SCN7A: variants seen among roughly 807,000 people sequenced by gnomAD.
SCN7A encodes sodium voltage-gated channel alpha subunit 7.
A neutral mutation model predicts 155.2 loss-of-function variants in SCN7A; 138 were observed. That is an observed-to-expected ratio of 0.89 (90% confidence interval 0.77 to 1.02). SCN7A has a LOEUF of 1.02. Ranked by LOEUF, SCN7A falls within the 50% of genes least tolerant of loss-of-function variation. The pLI, the probability that SCN7A is intolerant of heterozygous loss-of-function variation, is 0.00. For missense variants in SCN7A, 2,058 were observed against 1,986.6 expected, an observed-to-expected ratio of 1.04 and a Z score of -0.68; for synonymous variants, 693 against 649.0, an observed-to-expected ratio of 1.07 and a Z score of -1.03.
chr2:166,456,819 TATATATATATAGATAGATAG>T (rs1403978644), intron 11 of SCN7A, 31 bp downstream of exon 11: 4 of 644,130 alleles, frequency 6.2e-6, no homozygotes, highest in Non-Finnish European at 9.3e-6. Flanking sequence ...TATATATATA[TATATATATATAGATAGATAG>T]ATAGATAGAT....
intron 2 of SCN7A, among the ~76,000 whole-genome samples, chr2:166,482,653 C>A (rs1702955248): frequency 6.6e-6 from 1 of 151,584 alleles, no homozygotes; most frequent in Non-Finnish European, 1.5e-5. Flanking sequence ...GTCACTTATC[C>A]CAGAAGATTA....
chr2:166,432,278 TA>T, intron 16 of SCN7A, 39 bp downstream of exon 16: 1 of 1,499,128 alleles, frequency 6.7e-7, no homozygotes, highest in Non-Finnish European at 9.0e-7. Context: ...AACAATACTA[TA>T]AATCACCACT....
At chr2:166,456,568 A>G (rs917645986) in intron 11 of SCN7A, among the ~76,000 whole-genome samples, 1 of 152,110 alleles carries the variant, frequency 6.6e-6, no homozygotes, top group African/African-American at 2.4e-5. Context: ...CTTTTTATTT[A>G]TACCCTTAGG....
chr2:166,475,058 G>A (rs1702751231), intron 3 of SCN7A, among the ~76,000 whole-genome samples: 1 of 108,782 alleles, frequency 9.2e-6, no homozygotes, highest in African/African-American at 3.2e-5. Context: ...AAATGAGCAA[G>A]TTTGCATATT....
intron 10 of SCN7A, among the ~76,000 whole-genome samples, chr2:166,461,091 G>A (rs567718521): frequency 1.1e-5 from 1 of 92,060 alleles, no homozygotes; most frequent in Non-Finnish European, 2.1e-5. Flanking sequence ...ATACAATTAT[G>A]CTGCATGCAT....
chr2:166,429,289 C>A lies in SCN7A; in HGVS notation c.2593-15G>T. The stretch of plus-strand genomic sequence containing the variant: ...TGCTTTATTTTCTAAAAGGTGAAGT[C>A]CCACCAAAAAAGTTGTGATTAAAGT... On this transcript the variant is annotated splice_polypyrimidine_tract_variant and intron_variant, in intron 16 of 25. Coordinates refer to ENST00000643258, the MANE Select transcript of SCN7A (RefSeq NM_002976.4). The A allele has an allele frequency of 1.4e-6, 2 of 1,454,556 alleles. No homozygotes were observed. The highest frequency in any genetic ancestry group is 1.9e-6 in the Non-Finnish European group (2 of 1,076,948). The allele number at this position is 1,454,556 out of a possible 1,614,324, so 90.1% of individuals were successfully genotyped here. A position where few individuals can be genotyped will look rare whatever the true frequency, so the allele number is the denominator to read the frequency against.
intron 18 of SCN7A, among the ~76,000 whole-genome samples, chr2:166,425,053 A>C (rs1294051890): frequency 6.6e-6 from 1 of 152,102 alleles, no homozygotes; most frequent in Non-Finnish European, 1.5e-5. Context: ...TCAACGGCTG[A>C]GTGGAATAGA....
chr2:166,445,046 T>A, intron 12 of SCN7A, 46 bp from the exon 13 acceptor site: 1 of 1,228,624 alleles, frequency 8.1e-7, no homozygotes, highest in Non-Finnish European at 1.2e-6. Flanking sequence ...CCGGGTGCAG[T>A]GGCTCATGCC....
chr2:166,430,172 G>A (rs1018857840), intron 16 of SCN7A, among the ~76,000 whole-genome samples: 7 of 151,558 alleles, frequency 4.6e-5, no homozygotes, highest in African/African-American at 1.5e-4. Context: ...CTAGGTAGAC[G>A]GCCAAAAAAC....
chr2:166,465,998 A>G lies in SCN7A; in HGVS notation c.665-11T>C, dbSNP rs1372208541. 6.3e-7 allele frequency: 1 copy of G among 1,592,490 alleles called. No homozygotes were observed. Among genetic ancestry groups the G allele is most frequent in the Non-Finnish European group, 8.6e-7 (1 of 1,167,698 alleles). On this transcript the variant is annotated splice_polypyrimidine_tract_variant and intron_variant, in intron 7 of 25. Coordinates refer to ENST00000643258, the MANE Select transcript of SCN7A (RefSeq NM_002976.4). The stretch of plus-strand genomic sequence containing the variant: ...CAAGGGATTTCAGACCTGGAAAGAG[A>G]AACATTTGTTTTCGAAATAATGTAA...
chr2:166,484,354 A>G (rs1702998607), intron 2 of SCN7A, among the ~76,000 whole-genome samples: 1 of 151,900 alleles, frequency 6.6e-6, no homozygotes, highest in African/African-American at 2.4e-5. Context: ...ATGTATGTGT[A>G]CATGTTTTAT....
At chr2:166,409,527 AG>A in intron 25 of SCN7A, 137 bp downstream of exon 25, 1 of 616,388 alleles carries the variant, frequency 1.6e-6, no homozygotes. Flanking sequence ...AAATAAAAAA[AG>A]ATCTCTACCT....
At chr2:166,472,254 T>G in intron 6 of SCN7A, 63 bp downstream of exon 6, 1 of 1,477,906 alleles carries the variant, frequency 6.8e-7, no homozygotes, top group Non-Finnish European at 9.0e-7. Flanking sequence ...CGTCAATTAT[T>G]TTTTATGAAA....
In SCN7A at chr2:166,443,603, A is replaced by G; in HGVS notation, c.1700T>C (p.Val567Ala). 1 of 1,577,616 alleles carries G rather than the reference A, an allele frequency of 6.3e-7. No individual in the cohort carries two copies. The highest frequency in any genetic ancestry group is 8.6e-7 in the Non-Finnish European group (1 of 1,160,342). The change falls in exon 14 of 26, where the codon GTA (valine) becomes GCA (alanine). Residue 567 changes from valine to alanine, a missense_variant. Physicochemically the swap from Val to Ala is moderately conservative, Grantham distance 64 (BLOSUM62 0). Coordinates refer to ENST00000643258, the MANE Select transcript of SCN7A (RefSeq NM_002976.4). ...IAMHPYGYFQ[V>A]GWNIFDSMIV... is the part of the protein sequence containing the mutation. Reference sequence around the variant, plus strand: ...CATGCTATCAAAAATGTTCCAACCTACTTGGAAATACCCATATGGATGCAT... The same window carrying G: ...CATGCTATCAAAAATGTTCCAACCTGCTTGGAAATACCCATATGGATGCAT...
intron 5 of SCN7A, 130 bp from the exon 6 acceptor site, chr2:166,472,575 G>A (rs1702683902): frequency 1.4e-6 from 1 of 735,686 alleles, no homozygotes; most frequent in Non-Finnish European, 2.1e-6. Flanking sequence ...GGTCTACTTG[G>A]TAGGCCAAAA....
chr2:166,482,986 A>ATC (rs750473537), intron 2 of SCN7A, among the ~76,000 whole-genome samples: 3 of 152,248 alleles, frequency 2.0e-5, no homozygotes, highest in East Asian at 1.9e-4. Context: ...TAGTTAATCC[A>ATC]TCCATTAGAC....
intron 22 of SCN7A, among the ~76,000 whole-genome samples, 154 bp from the exon 23 acceptor site, chr2:166,412,821 C>T (rs1365138876): frequency 2.0e-5 from 3 of 151,930 alleles, no homozygotes; most frequent in Non-Finnish European, 4.4e-5. Context: ...GATATCATTG[C>T]TTTGTATGAA....
intron 21 of SCN7A, among the ~76,000 whole-genome samples, chr2:166,416,238 A>G (rs1007038529): frequency 3.9e-5 from 6 of 152,118 alleles, no homozygotes; most frequent in Non-Finnish European, 8.8e-5. Context: ...GCACCACTGA[A>G]CATAGACCCT....
intron 11 of SCN7A, among the ~76,000 whole-genome samples, chr2:166,454,212 A>G (rs183240982): frequency 1.6e-4 from 24 of 152,312 alleles, no homozygotes; most frequent in Admixed American, 3.9e-4. Context: ...CACATTCAAC[A>G]TATCATTCAA....
Sources: allele counts gnomAD v4.1 joint callset (sites outside exome capture counted in the v4.1 genomes callset), GRCh38; gene constraint gnomAD v4.1.1; transcripts MANE v1.5; gene names NCBI Gene and HGNC (gene_info 2026-07-23, HGNC 2026-07-21).